Variants in EVL observed in about 807,000 individuals in gnomAD.
EVL encodes Enah/Vasp-like.
Under a neutral mutation model 59.6 loss-of-function variants are expected in EVL, and 21 were observed. The ratio of observed to expected loss-of-function variants is 0.35; its 90% CI spans 0.25 to 0.51. EVL has a LOEUF of 0.51. Among genes scored for constraint, EVL ranks in the 20% least tolerant of loss-of-function variants. EVL has a pLI of 0.97. For synonymous variants in EVL, 198 were observed against 203.5 expected, an observed-to-expected ratio of 0.97 and a Z score of 0.23; for missense variants, 462 against 546.6, an observed-to-expected ratio of 0.85 and a Z score of 1.54.
At chr14:100,035,878 G>C (rs970289403) in intron 1 of EVL, among the ~76,000 whole-genome samples, 5 of 152,086 alleles carry the variant, frequency 3.3e-5, no homozygotes, top group African/African-American at 9.7e-5. Flanking sequence ...CCTCACCTAG[G>C]GGGCAGCACA....
intron 1 of EVL, among the ~76,000 whole-genome samples, chr14:100,083,927 A>G (rs1009863310): frequency 1.1e-4 from 16 of 152,196 alleles, no homozygotes; most frequent in Admixed American, 6.5e-5. Flanking sequence ...ATGAACTTGT[A>G]TACATCTTTG....
intron 2 of EVL, among the ~76,000 whole-genome samples, chr14:100,087,226 T>C (rs1269935796): frequency 6.6e-6 from 1 of 152,222 alleles, no homozygotes; most frequent in African/African-American, 2.4e-5. Context: ...AGAAAATATA[T>C]AGTAAGTTAT....
intron 3 of EVL, among the ~76,000 whole-genome samples, chr14:100,123,057 C>T (rs144823161): frequency 6.6e-5 from 10 of 152,342 alleles, no homozygotes; most frequent in African/African-American, 1.7e-4. Flanking sequence ...CTGACCAAGA[C>T]ATCCGCCAGC....
intron 2 of EVL, among the ~76,000 whole-genome samples, chr14:100,086,160 C>T (rs2062438875): frequency 6.6e-6 from 1 of 152,170 alleles, no homozygotes; most frequent in African/African-American, 2.4e-5. Flanking sequence ...ATCTTGGTAC[C>T]TCCAAAAGCA....
rs149928556 is a variant in EVL, at chr14:100,016,941, C to T, written c.5+44884C>T. 2.5e-3 allele frequency among the ~76,000 whole-genome samples: 387 copies of T among 152,280 alleles called. 4 individuals carry two copies. Among genetic ancestry groups the T allele is most frequent in the East Asian group, 0.022 (116 of 5,182 alleles). ...TAGCCCAAAAGGGTCAGTGTCCTAC[C>T]GCCTCTGCAGGGCCACAGGCTGCCT... On this transcript the variant is annotated intron_variant, in intron 1 of 13. Transcript: ENST00000402714.
intron 1 of EVL, among the ~76,000 whole-genome samples, chr14:100,050,363 T>A (rs1330808777): frequency 9.4e-6 from 1 of 106,774 alleles, no homozygotes. Flanking sequence ...ATTTATTTAT[T>A]TTTTTTTAGA....
intron 1 of EVL, among the ~76,000 whole-genome samples, chr14:100,069,081 G>A (rs1332135096): frequency 6.6e-6 from 1 of 152,138 alleles, no homozygotes; most frequent in South Asian, 2.1e-4. Flanking sequence ...CAGAAGGCAG[G>A]GATTTTCGCC....
At chr14:100,074,002 C>CAGGGGCGGT (rs2062105468) in intron 1 of EVL, among the ~76,000 whole-genome samples, 1 of 88,370 alleles carries the variant, frequency 1.1e-5, no homozygotes, top group African/African-American at 4.0e-5. Flanking sequence ...GAGTCACCCC[C>CAGGGGCGGT]GGGGGCGGTG....
At chr14:100,024,618 G>A (rs2061180084) in intron 1 of EVL, among the ~76,000 whole-genome samples, 1 of 152,120 alleles carries the variant, frequency 6.6e-6, no homozygotes, top group African/African-American at 2.4e-5. Flanking sequence ...CGTGGGCCTT[G>A]TGCTCCTCCT....
chr14:100,084,930 T>C, intron 2 of EVL, 75 bp downstream of exon 2: 1 of 1,514,654 alleles, frequency 6.6e-7, no homozygotes, highest in Non-Finnish European at 9.0e-7. Context: ...TACACACATG[T>C]ATCATTAAGA....
At chr14:100,021,493 G>A (rs539624666) in intron 1 of EVL, among the ~76,000 whole-genome samples, 13 of 152,288 alleles carry the variant, frequency 8.5e-5, no homozygotes, top group African/African-American at 2.6e-4. Context: ...CTCTAGTCAT[G>A]GAGTTTGTGT....
At chr14:100,003,504 C>T (rs2060958946) in intron 1 of EVL, among the ~76,000 whole-genome samples, 1 of 152,136 alleles carries the variant, frequency 6.6e-6, no homozygotes, top group South Asian at 2.1e-4. Context: ...GCAACCTCTG[C>T]TTCCTGGGTT....
chr14:100,045,106 C>G (rs182111608), intron 1 of EVL, among the ~76,000 whole-genome samples: 66 of 152,348 alleles, frequency 4.3e-4, no homozygotes, highest in African/African-American at 1.4e-3. Flanking sequence ...CCACCTCACT[C>G]CCGTCTGCAG....
intron 1 of EVL, among the ~76,000 whole-genome samples, chr14:99,996,736 C>T (rs904942547): frequency 2.6e-5 from 4 of 152,136 alleles, no homozygotes; most frequent in African/African-American, 9.7e-5. Flanking sequence ...ACTGCAGCCT[C>T]AACCTCCTGG....
intron 1 of EVL, among the ~76,000 whole-genome samples, chr14:99,990,997 T>C (rs973283403): frequency 1.3e-5 from 2 of 152,160 alleles, no homozygotes; most frequent in African/African-American, 4.8e-5. Flanking sequence ...GCTGATCTGC[T>C]TATATGCAGA....
chr14:100,077,849 T>C (rs1483866079), intron 1 of EVL, among the ~76,000 whole-genome samples: 1 of 152,200 alleles, frequency 6.6e-6, no homozygotes, highest in Admixed American at 6.5e-5. Context: ...CTCGGCTCAC[T>C]GCAAGCTCTG....
intron 1 of EVL, among the ~76,000 whole-genome samples, chr14:100,006,706 G>T (rs961745963): frequency 2.8e-4 from 43 of 151,372 alleles, no homozygotes; most frequent in Admixed American, 9.9e-4. Flanking sequence ...TCTCAAATTC[G>T]TCTTCCCTGT....
chr14:100,009,820 G>C (rs1406613373), intron 1 of EVL, among the ~76,000 whole-genome samples: 1 of 152,162 alleles, frequency 6.6e-6, no homozygotes, highest in Non-Finnish European at 1.5e-5. Flanking sequence ...GAAATACATT[G>C]GTTTGATTCA....
chr14:100,002,949 T>C (rs905132641), intron 1 of EVL, among the ~76,000 whole-genome samples: 2 of 152,228 alleles, frequency 1.3e-5, no homozygotes, highest in African/African-American at 4.8e-5. Context: ...GACCATAATA[T>C]ATAACTTCCA....
Sources: allele counts gnomAD v4.1 joint callset (sites outside exome capture counted in the v4.1 genomes callset), GRCh38; gene constraint gnomAD v4.1.1; transcripts MANE v1.5; gene names NCBI Gene and HGNC (gene_info 2026-07-23, HGNC 2026-07-21).